The following PLPPR5 variants were observed in gnomAD, a reference collection of about 807,000 sequenced individuals.
PLPPR5 encodes phospholipid phosphatase-related protein type 5.
A neutral mutation model predicts 33.9 loss-of-function variants in PLPPR5; 16 were observed. The ratio of observed to expected loss-of-function variants is 0.47; its 90% CI spans 0.32 to 0.72. PLPPR5 has a LOEUF of 0.72. PLPPR5 is among the 30% of genes least tolerant of loss of function. PLPPR5 has a pLI of 0.03. For missense variants in PLPPR5, 301 were observed against 406.7 expected, an observed-to-expected ratio of 0.74 and a Z score of 2.23; for synonymous variants, 163 against 150.3, an observed-to-expected ratio of 1.08 and a Z score of -0.62.
intron 5 of PLPPR5, among the ~76,000 whole-genome samples, chr1:98,912,786 T>A (rs1649202634): frequency 6.6e-6 from 1 of 152,202 alleles, no homozygotes; most frequent in Non-Finnish European, 1.5e-5. Flanking sequence ...GAAATTGTAT[T>A]TGTAGAGCAC....
chr1:98,976,486 G>A (rs1651859012), intron 1 of PLPPR5, among the ~76,000 whole-genome samples: 1 of 151,804 alleles, frequency 6.6e-6, no homozygotes, highest in East Asian at 1.9e-4. Flanking sequence ...CAATTCAATG[G>A]TATTTCCTAA....
At chr1:98,980,734 G>GTTA (rs1450563929) in intron 1 of PLPPR5, among the ~76,000 whole-genome samples, 1 of 151,980 alleles carries the variant, frequency 6.6e-6, no homozygotes, top group African/African-American at 2.4e-5. Context: ...TATTATACAG[G>GTTA]TGAACACACC....
At chr1:98,900,217 A>C (rs901965244) in intron 5 of PLPPR5, among the ~76,000 whole-genome samples, 26 of 152,110 alleles carry the variant, frequency 1.7e-4, no homozygotes, top group African/African-American at 5.8e-4. Flanking sequence ...CATAAGATCA[A>C]TCTTTAACAG....
chr1:98,981,146 G>A (rs934781547), intron 1 of PLPPR5, among the ~76,000 whole-genome samples: 3 of 151,966 alleles, frequency 2.0e-5, no homozygotes. Flanking sequence ...ATTGGTCACA[G>A]AAATAGAATT....
At chr1:98,911,017 G>A (rs1649126628) in intron 5 of PLPPR5, among the ~76,000 whole-genome samples, 1 of 151,884 alleles carries the variant, frequency 6.6e-6, no homozygotes, top group South Asian at 2.1e-4. Context: ...AGCTATTGTA[G>A]GCTTTCCTTA....
chr1:98,926,447 AGTGTGTGTGTGTGTGTGTGT>A lies in PLPPR5; in HGVS notation c.622-4409_622-4390del, dbSNP rs60874366. 8.9e-3 allele frequency among the ~76,000 whole-genome samples: 1,175 copies of A among 132,716 alleles called. 8 individuals carry two copies. The highest frequency in any genetic ancestry group is 0.012 in the Non-Finnish European group (759 of 62,112). 87.1% of individuals were successfully genotyped at this position (132,716 alleles called of 152,430 possible). Reference sequence around the variant, plus strand: ...ATCTAACAGGGCACTAGGTTTGATTAGTGTGTGTGTGTGTGTGTGTGTGTGTGTGTGTGTGTGTGTGTGTG... The same window carrying A: ...ATCTAACAGGGCACTAGGTTTGATTAGTGTGTGTGTGTGTGTGTGTGTGTG... On this transcript the variant is annotated intron_variant, in intron 3 of 5. Coordinates refer to ENST00000263177, the MANE Select transcript of PLPPR5 (RefSeq NM_001037317.2).
intron 5 of PLPPR5, among the ~76,000 whole-genome samples, chr1:98,913,887 T>C (rs1649245714): frequency 6.6e-6 from 1 of 152,208 alleles, no homozygotes; most frequent in East Asian, 1.9e-4. Flanking sequence ...AGTATTTACC[T>C]GGTTTCTGTG....
At position 98,939,277 on chromosome 1, in the gene PLPPR5, A is replaced by ATTAC. The variant is rs1553168499; in HGVS notation, c.621+13792_621+13793insGTAA. ...TTATCACATAGTTATTACTGAAAAT[A>ATTAC]ATTTTTCCATATAGAGGAAGGGATG... On this transcript the variant is annotated intron_variant, in intron 3 of 5. Transcript: ENST00000263177. Among the ~76,000 whole-genome samples, 199 of 148,472 alleles carry ATTAC rather than the reference A, an allele frequency of 1.3e-3. 3 individuals carry two copies. The highest frequency in any genetic ancestry group is 2.1e-3 in the Admixed American group (31 of 14,848).
chr1:98,961,374 C>T (rs1651244727), intron 1 of PLPPR5, among the ~76,000 whole-genome samples: 1 of 152,170 alleles, frequency 6.6e-6, no homozygotes, highest in South Asian at 2.1e-4. Flanking sequence ...AACCTTTTTC[C>T]TATTAGCTCT....
At chr1:98,936,378 C>A (rs1333829012) in intron 3 of PLPPR5, among the ~76,000 whole-genome samples, 1 of 152,134 alleles carries the variant, frequency 6.6e-6, no homozygotes, top group African/African-American at 2.4e-5. Context: ...GCTGACACGG[C>A]CATAAGCAGC....
chr1:98,948,196 A>G (rs1001129829), intron 3 of PLPPR5, among the ~76,000 whole-genome samples: 1 of 152,148 alleles, frequency 6.6e-6, no homozygotes, highest in African/African-American at 2.4e-5. Flanking sequence ...AGAATTAGGT[A>G]ATAAGTCTCA....
Position 98,941,990 on chromosome 1 carries a change from G to GTATA in PLPPR5, c.621+11076_621+11079dup, listed in dbSNP as rs59224131. Among the ~76,000 whole-genome samples the GTATA allele has an allele frequency of 2.9e-3, 423 of 146,898 alleles. 2 individuals carry two copies. The highest frequency in any genetic ancestry group is 9.7e-3 in the African/African-American group (390 of 40,058). On this transcript the variant is annotated intron_variant, in intron 3 of 5. Transcript: ENST00000263177. ...CAATTACAGATACATATATGTATAC[G>GTATA]TATATATATATATATATACACATAT...
rs554625473 is a variant in PLPPR5 at position 98,977,619 on chromosome 1, A to T, written c.238-20878T>A. On this transcript the variant is annotated intron_variant, in intron 1 of 5. Coordinates refer to ENST00000263177, the MANE Select transcript of PLPPR5 (RefSeq NM_001037317.2). ...TATTTGAAGGCAGCAAGTTCAATAC[A>T]TTCTTCCCTGTGAATGTATTGAACC... 2.0e-5 allele frequency among the ~76,000 whole-genome samples: 3 copies of T among 150,894 alleles called. No individual in the cohort carries two copies. The East Asian group carries it at 5.9e-4, about 30-fold the overall frequency.
chr1:98,994,801 A>C (rs1557696943), intron 1 of PLPPR5, among the ~76,000 whole-genome samples: 1 of 152,132 alleles, frequency 6.6e-6, no homozygotes, highest in Non-Finnish European at 1.5e-5. Flanking sequence ...TCATTGATGA[A>C]AGTAATGACT....
chr1:98,961,142 C>T (rs1305003080), intron 1 of PLPPR5, among the ~76,000 whole-genome samples: 2 of 152,184 alleles, frequency 1.3e-5, no homozygotes, highest in Non-Finnish European at 2.9e-5. Flanking sequence ...GAAGGCTCTC[C>T]TTGCTGTCTC....
intron 3 of PLPPR5, among the ~76,000 whole-genome samples, chr1:98,942,766 C>T (rs1483665626): frequency 6.6e-6 from 1 of 152,186 alleles, no homozygotes; most frequent in Non-Finnish European, 1.5e-5. Flanking sequence ...CATGTGAGAA[C>T]TGAAGGCCCA....
chr1:98,982,687 T>C (rs1652098844), intron 1 of PLPPR5, among the ~76,000 whole-genome samples: 1 of 152,032 alleles, frequency 6.6e-6, no homozygotes, highest in Non-Finnish European at 1.5e-5. Context: ...ATTAAATGTG[T>C]TGTAATTTTG....
At chr1:98,923,300 CTT>C (rs1246924869) in intron 3 of PLPPR5, among the ~76,000 whole-genome samples, 3 of 152,114 alleles carry the variant, frequency 2.0e-5, no homozygotes, top group African/African-American at 7.2e-5. Flanking sequence ...AAAGAAATGA[CTT>C]TGATAATATA....
intron 5 of PLPPR5, among the ~76,000 whole-genome samples, chr1:98,914,005 T>C (rs1363347048): frequency 6.6e-6 from 1 of 152,206 alleles, no homozygotes; most frequent in Admixed American, 6.5e-5. Flanking sequence ...AGAGCACGAC[T>C]GGTGTTTTCC....
Sources: gnomAD v4.1 joint callset for allele counts (sites outside exome capture counted in the v4.1 genomes callset) on GRCh38, gnomAD v4.1.1 for gene constraint, MANE v1.5 for transcripts, NCBI Gene and HGNC (gene_info 2026-07-23, HGNC 2026-07-21) for gene names.